The following PTPN11 variants were observed in gnomAD, a reference collection of about 807,000 sequenced individuals.
The protein encoded by PTPN11 is tyrosine-protein phosphatase non-receptor type 11.
A neutral mutation model predicts 78.8 loss-of-function variants in PTPN11; 6 were observed. The ratio of observed to expected loss-of-function variants is 0.08; its 90% confidence interval spans 0.04 to 0.15. The LOEUF (loss-of-function observed/expected upper bound fraction) is 0.15. Among genes scored for constraint, PTPN11 ranks in the 10% least tolerant of loss-of-function variants. PTPN11 has a pLI of 1.00. For synonymous variants in PTPN11, 221 were observed against 263.5 expected (o/e 0.84, Z 1.56); for missense variants, 386 against 744.8 (o/e 0.52, Z 5.61).
chr12:112,431,824 C>A (rs529113262), intron 1 of PTPN11, among the ~76,000 whole-genome samples: 1 of 152,162 alleles, frequency 6.6e-6, no homozygotes, highest in South Asian at 2.1e-4. Flanking sequence ...TGAATTAAGA[C>A]AGTTTCTAAG....
intron 1 of PTPN11, among the ~76,000 whole-genome samples, chr12:112,430,413 T>TTTG (rs955952661): frequency 1.3e-4 from 19 of 151,594 alleles, no homozygotes; most frequent in Admixed American, 3.3e-4. Flanking sequence ...TTCATATAGG[T>TTTG]TTGTTGTTGT....
chr12:112,438,382 G>A (rs536907955), intron 1 of PTPN11, among the ~76,000 whole-genome samples: 7 of 152,096 alleles, frequency 4.6e-5, no homozygotes, highest in South Asian at 2.1e-4. Context: ...GTGCAGTGGC[G>A]TCTTGATCAT....
chr12:112,454,771 T>G, intron 5 of PTPN11, 91 bp downstream of exon 5: 3 of 847,526 alleles, frequency 3.5e-6, no homozygotes, highest in Non-Finnish European at 6.0e-6. Flanking sequence ...GTAGACAGAA[T>G]AGTATCATCA....
intron 1 of PTPN11, among the ~76,000 whole-genome samples, chr12:112,419,795 T>C (rs927935468): frequency 6.6e-6 from 1 of 152,188 alleles, no homozygotes; most frequent in African/African-American, 2.4e-5. Context: ...ACTGCAACCT[T>C]AACAGTCAGG....
chr12:112,486,411 C>G (rs962046817), intron 10 of PTPN11, 64 bp from the exon 11 acceptor site: 1 of 1,485,422 alleles, frequency 6.7e-7, no homozygotes. Context: ...AGCTTAGAAC[C>G]GGGTGATTCC....
chr12:112,477,057 C>T (rs1433346658), intron 7 of PTPN11, among the ~76,000 whole-genome samples: 2 of 151,944 alleles, frequency 1.3e-5, no homozygotes, highest in African/African-American at 4.8e-5. Flanking sequence ...GACTGTGTCT[C>T]ACTCTGTCAT....
At chr12:112,419,214 G>T (rs2037477315) in intron 1 of PTPN11, 89 bp downstream of exon 1, 1 of 1,293,484 alleles carries the variant, frequency 7.7e-7, no homozygotes, top group African/African-American at 1.6e-5. Context: ...GCCCCGGCCG[G>T]GCTTCGGGCT....
At chr12:112,448,935 G>A (rs1264561379) in intron 2 of PTPN11, among the ~76,000 whole-genome samples, 1 of 151,868 alleles carries the variant, frequency 6.6e-6, no homozygotes, top group Non-Finnish European at 1.5e-5. Flanking sequence ...TGCCCAGGCT[G>A]GAGTGCAGTG....
intron 2 of PTPN11, 119 bp downstream of exon 2, chr12:112,446,517 G>GC: frequency 6.9e-7 from 1 of 1,452,510 alleles, no homozygotes; most frequent in Admixed American, 1.7e-5. Context: ...TGAGCCCTGG[G>GC]CTGCCTTCAG....
Position 112,446,261 on chromosome 12 carries a change from G to T in PTPN11, c.15-15G>T. 1.2e-6 allele frequency: 2 copies of T among 1,613,760 alleles called. No homozygotes were observed. Among genetic ancestry groups the T allele is most frequent in the Non-Finnish European group, 1.7e-6 (2 of 1,179,754 alleles). ...GTCTTGTTTTTTTATTACTTACTTT[G>T]TCTTTCTTTTTAAGATGGTTTCACC... On this transcript the variant is annotated splice_polypyrimidine_tract_variant and intron_variant, in intron 1 of 15. Transcript: ENST00000351677.
chr12:112,433,683 G>A (rs549666951), intron 1 of PTPN11, among the ~76,000 whole-genome samples: 60 of 152,356 alleles, frequency 3.9e-4, no homozygotes, highest in Non-Finnish European at 8.5e-4. Context: ...GGGCGCAGTG[G>A]CTCATGCCTA....
At position 112,454,554 on chromosome 12, in the gene PTPN11, A is replaced by G. The variant is rs2038124892; in HGVS notation, c.526-10A>G. On this transcript the variant is annotated splice_polypyrimidine_tract_variant and intron_variant, in intron 4 of 15. Coordinates refer to ENST00000351677, the MANE Select transcript of PTPN11 (RefSeq NM_002834.5). ...AACAAATAATAAATGTCATGTGTTT[A>G]TCTTGAAAGGAACTGAAATACGACG... is the stretch of plus-strand genomic sequence containing the variant. 3 of 1,588,270 alleles carry G rather than the reference A, an allele frequency of 1.9e-6. No individual in the cohort carries two copies. In the South Asian group the frequency reaches 3.3e-5, roughly 18 times the overall value.
At chr12:112,454,475 A>C in intron 4 of PTPN11, 89 bp from the exon 5 acceptor site, 1 of 957,684 alleles carries the variant, frequency 1.0e-6, no homozygotes, top group Non-Finnish European at 1.7e-6. Context: ...GCTATTGTGA[A>C]TAATGCTGCA....
intron 1 of PTPN11, among the ~76,000 whole-genome samples, chr12:112,442,926 TATATAAA>T (rs992028901): frequency 7.6e-6 from 1 of 132,144 alleles, no homozygotes; most frequent in Non-Finnish European, 1.6e-5. Flanking sequence ...ATGTATTTTA[TATATAAA>T]ATACATATCT....
intron 2 of PTPN11, among the ~76,000 whole-genome samples, chr12:112,449,524 C>G (rs2038047723): frequency 6.6e-6 from 1 of 151,700 alleles, no homozygotes; most frequent in African/African-American, 2.4e-5. Context: ...AACAAACAAA[C>G]AAAAAAATTG....
chr12:112,452,990 G>A (rs972288269), intron 3 of PTPN11, among the ~76,000 whole-genome samples: 4 of 152,156 alleles, frequency 2.6e-5, no homozygotes, highest in African/African-American at 9.6e-5. Context: ...AAGAAGTTTA[G>A]TGGTCATTCT....
At chr12:112,467,645 T>A (rs1268876025) in intron 6 of PTPN11, among the ~76,000 whole-genome samples, 4 of 152,072 alleles carry the variant, frequency 2.6e-5, no homozygotes, top group Admixed American at 6.6e-5. Context: ...CAGGCGCGCA[T>A]CACAATGCCC....
chr12:112,495,933 T>C (rs2038808518), intron 13 of PTPN11, among the ~76,000 whole-genome samples: 1 of 152,172 alleles, frequency 6.6e-6, no homozygotes, highest in Non-Finnish European at 1.5e-5. Flanking sequence ...GGACTGCCTG[T>C]ACTTTTTTCC....
intron 13 of PTPN11, among the ~76,000 whole-genome samples, chr12:112,498,318 G>A (rs886764614): frequency 1.3e-5 from 2 of 152,072 alleles, no homozygotes; most frequent in Non-Finnish European, 2.9e-5. Context: ...CTGACAGTGA[G>A]CACAGAGCGA....
Sources: gnomAD v4.1 joint callset for allele counts (sites outside exome capture counted in the v4.1 genomes callset) on GRCh38, gnomAD v4.1.1 for gene constraint, MANE v1.5 for transcripts, NCBI Gene and HGNC (gene_info 2026-07-23, HGNC 2026-07-21) for gene names.